Variants in SLC29A1 observed in about 807,000 individuals in gnomAD.
SLC29A1 encodes solute carrier family 29 member 1 (Augustine blood group), also known as equilibrative nucleoside transporter 1.
SLC29A1 carries 22 observed loss-of-function variants against 48.3 expected under a neutral mutation model. That is an observed-to-expected ratio of 0.46 (90% CI 0.33 to 0.65). SLC29A1 has a LOEUF of 0.65. Ranked by LOEUF, SLC29A1 falls within the 30% of genes least tolerant of loss-of-function variation. The pLI is 0.03. For missense variants in SLC29A1, 491 were observed against 575.3 expected (o/e 0.85, Z 1.50); for synonymous variants, 228 against 231.0 (o/e 0.99, Z 0.12).
intron 1 of SLC29A1, 78 bp from the exon 2 acceptor site, chr6:44,227,185 C>G: frequency 6.8e-7 from 1 of 1,460,016 alleles, no homozygotes; most frequent in Non-Finnish European, 9.4e-7. Flanking sequence ...GTCAGCCCTG[C>G]CCCCTCTCCC....
Position 44,223,995 on chromosome 6 carries a change from C to G in SLC29A1, c.-52+354C>G. On this transcript the variant is annotated intron_variant, in intron 1 of 12. Coordinates refer to ENST00000371755, the MANE Select transcript of SLC29A1 (RefSeq NM_001372327.1). The surrounding 1 kb of genome is among the most constrained non-coding windows in gnomAD (Gnocchi z 5.0). ...GGGGCCGTGCCGCTGACTGCGCTGG[C>G]GGAGGGGTATGGGGATGGGGATGGG... 1 of 957,736 alleles carries G rather than the reference C, an allele frequency of 1.0e-6. No individual in the cohort carries two copies. The highest frequency in any genetic ancestry group is 1.2e-6 in the Non-Finnish European group (1 of 805,244). The allele number at this position is 957,736 out of a possible 1,614,324, so 59.3% of individuals were successfully genotyped here.
chr6:44,228,982 T>G (rs1561880486), intron 2 of SLC29A1, among the ~76,000 whole-genome samples: 2 of 152,172 alleles, frequency 1.3e-5, no homozygotes, highest in Admixed American at 1.3e-4. Context: ...CATAATTACT[T>G]CCAGCCTGCC....
At chr6:44,227,821 A>C (rs1777915552) in intron 2 of SLC29A1, among the ~76,000 whole-genome samples, 1 of 152,206 alleles carries the variant, frequency 6.6e-6, no homozygotes, top group South Asian at 2.1e-4. Context: ...ATTTTGGAAG[A>C]AGAGGCTGTA....
chr6:44,228,481 A>T (rs1247227949), intron 2 of SLC29A1, among the ~76,000 whole-genome samples: 1 of 152,160 alleles, frequency 6.6e-6, no homozygotes, highest in East Asian at 1.9e-4. Flanking sequence ...CCATCCCTGT[A>T]TGAGGCCTGC....
upstream of SLC29A1, among the ~76,000 whole-genome samples, chr6:44,221,027 G>A (rs72860862): frequency 4.5e-3 from 690 of 152,154 alleles, 13 homozygotes; most frequent in East Asian, 0.017. This position sits in a 1 kb window ranked among gnomAD's most constrained non-coding sequence, Gnocchi z 4.2. Flanking sequence ...CCACAGGCTC[G>A]AGCCACCATG....
chr6:44,223,449 C>T, upstream of SLC29A1: 2 of 730,070 alleles, frequency 2.7e-6, no homozygotes, highest in Non-Finnish European at 1.6e-6. This position sits in a 1 kb window ranked among gnomAD's most constrained non-coding sequence, Gnocchi z 5.0. Flanking sequence ...GGGGTGGGAG[C>T]GGCGGAGCGC....
chr6:44,221,018 C>T (rs1776354107), upstream of SLC29A1, among the ~76,000 whole-genome samples: 1 of 152,058 alleles, frequency 6.6e-6, no homozygotes, highest in Non-Finnish European at 1.5e-5. This position sits in a 1 kb window ranked among gnomAD's most constrained non-coding sequence, Gnocchi z 4.2. Flanking sequence ...TACCTGGAAC[C>T]ACAGGCTCGA....
At chr6:44,224,336 T>A (rs1777018774) in intron 1 of SLC29A1, among the ~76,000 whole-genome samples, 1 of 151,430 alleles carries the variant, frequency 6.6e-6, no homozygotes, top group Non-Finnish European at 1.5e-5. Context: ...ACTTTCCTCC[T>A]GCTTGTGTAA....
At position 44,229,852 on chromosome 6, in the gene SLC29A1, G is replaced by A. The variant is rs1778430421; in HGVS notation, c.315-55G>A. ...CCCTCACTGTGTCCTGCACCCCCTTGGCTGAGCCCCAGCTTTGCCCACTTG... is the reference window on the plus strand; with the variant it reads ...CCCTCACTGTGTCCTGCACCCCCTTAGCTGAGCCCCAGCTTTGCCCACTTG... On this transcript the variant is annotated intron_variant, in intron 4 of 12. Coordinates refer to ENST00000371755, the MANE Select transcript of SLC29A1 (RefSeq NM_001372327.1). This position sits in a 1 kb window ranked among gnomAD's most constrained non-coding sequence, Gnocchi z 5.1. 6.2e-7 allele frequency: 1 copy of A among 1,605,998 alleles called. No individual in the cohort carries two copies. Among genetic ancestry groups the A allele is most frequent in the Non-Finnish European group, 8.5e-7 (1 of 1,175,490 alleles).
chr6:44,232,143 A>G lies in SLC29A1; in HGVS notation c.973+37A>G. 1 of 1,510,308 alleles carries G rather than the reference A, an allele frequency of 6.6e-7. No individual in the cohort carries two copies. The highest frequency in any genetic ancestry group is 1.4e-5 in the African/African-American group (1 of 72,962). The allele number at this position is 1,510,308 out of a possible 1,614,324, so 93.6% of individuals were successfully genotyped here. A position where few individuals can be genotyped will look rare whatever the true frequency, so the allele number is the denominator to read the frequency against. The stretch of plus-strand genomic sequence containing the variant: ...ACAGGTTTCCAGGATGGGAACAGAC[A>G]GGATCTTGAGTTGGGCTGGAAGTGG... On this transcript the variant is annotated intron_variant, in intron 10 of 12. Transcript: ENST00000371755. The surrounding 1 kb of genome is among the most constrained non-coding windows in gnomAD (Gnocchi z 4.7).
Position 44,232,162 on chromosome 6 carries a change from G to C in SLC29A1, c.973+56G>C. On this transcript the variant is annotated intron_variant, in intron 10 of 12. Transcript: ENST00000371755. This position sits in a 1 kb window ranked among gnomAD's most constrained non-coding sequence, Gnocchi z 4.7. ...ACAGACAGGATCTTGAGTTGGGCTGGAAGTGGGGAAGGGAGGGAGCCTGGG... is the reference window on the plus strand; with the variant it reads ...ACAGACAGGATCTTGAGTTGGGCTGCAAGTGGGGAAGGGAGGGAGCCTGGG... 1 of 1,421,422 alleles carries C rather than the reference G, an allele frequency of 7.0e-7. No individual in the cohort carries two copies. The highest frequency in any genetic ancestry group is 9.9e-7 in the Non-Finnish European group (1 of 1,005,162). The allele number at this position is 1,421,422 out of a possible 1,614,324, so 88.1% of individuals were successfully genotyped here.
rs938891044 is a variant in SLC29A1, at chr6:44,233,274, T to C, written c.1260-143T>C. 8 of 790,086 alleles carry C rather than the reference T, an allele frequency of 1.0e-5. No individual in the cohort carries two copies. In the South Asian group the frequency reaches 1.3e-4, roughly 13 times the overall value. 48.9% of individuals were successfully genotyped at this position (790,086 alleles called of 1,614,324 possible). A position where few individuals can be genotyped will look rare whatever the true frequency, so the allele number is the denominator to read the frequency against. Reference sequence around the variant, plus strand: ...TTCCCTCAAGGAGGAGAAGCCAGGTTGGGGTTAGGCAGCCAGGATGGGTTG... The same window carrying C: ...TTCCCTCAAGGAGGAGAAGCCAGGTCGGGGTTAGGCAGCCAGGATGGGTTG... On this transcript the variant is annotated intron_variant, in intron 12 of 12. Transcript: ENST00000371755.
intron 9 of SLC29A1, 99 bp from the exon 10 acceptor site, chr6:44,231,899 C>T (rs1331351574): frequency 4.7e-6 from 4 of 847,352 alleles, no homozygotes; most frequent in East Asian, 2.7e-5. Flanking sequence ...GCTGAGATTA[C>T]AGGCGTGAGC....
At chr6:44,224,612 A>C (rs541404286) in intron 1 of SLC29A1, among the ~76,000 whole-genome samples, 1 of 152,264 alleles carries the variant, frequency 6.6e-6, no homozygotes, top group African/African-American at 2.4e-5. Context: ...TCTGAACCTC[A>C]GCTGGCCCCA....
rs1779391325 is a variant in SLC29A1, at chr6:44,233,770, GT to G, written c.*245del. 1.8e-6 allele frequency: 1 copy of G among 545,744 alleles called. No homozygotes were observed. Among genetic ancestry groups the G allele is most frequent in the East Asian group, 3.1e-5 (1 of 32,160 alleles). The allele number at this position is 545,744 out of a possible 1,614,324, so 33.8% of individuals were successfully genotyped here. A position where few individuals can be genotyped will look rare whatever the true frequency, so the allele number is the denominator to read the frequency against. Reference sequence around the variant, plus strand: ...GGGTGTAGCCTCGGCATTTGCTTGAGTTTCTCCACTCTTGGCTCTGACTGAT... The same window carrying G: ...GGGTGTAGCCTCGGCATTTGCTTGAGTTCTCCACTCTTGGCTCTGACTGAT... On this transcript the variant is annotated 3_prime_UTR_variant, in exon 13 of 13. Coordinates refer to ENST00000371755, the MANE Select transcript of SLC29A1 (RefSeq NM_001372327.1).
intron 9 of SLC29A1, 98 bp downstream of exon 9, chr6:44,231,559 G>C: frequency 1.3e-6 from 1 of 792,356 alleles, no homozygotes; most frequent in Non-Finnish European, 2.2e-6. Context: ...TTTCTGACCT[G>C]AGAGTGGTCA....
upstream of SLC29A1, among the ~76,000 whole-genome samples, chr6:44,220,902 C>T (rs2128335343): frequency 6.6e-6 from 1 of 152,186 alleles, no homozygotes; most frequent in South Asian, 2.1e-4. Flanking sequence ...TGTTTTCAGA[C>T]AAGGTCTTGC....
upstream of SLC29A1, chr6:44,223,568 T>A: frequency 8.3e-7 from 1 of 1,205,936 alleles, no homozygotes; most frequent in Non-Finnish European, 1.1e-6. The surrounding 1 kb of genome is among the most constrained non-coding windows in gnomAD (Gnocchi z 5.0). Flanking sequence ...CGGGTTTGAA[T>A]GTGCCCCGGC....
chr6:44,231,169 T>A (rs1778770121), intron 8 of SLC29A1, among the ~76,000 whole-genome samples, 195 bp from the exon 9 acceptor site: 1 of 152,124 alleles, frequency 6.6e-6, no homozygotes, highest in Non-Finnish European at 1.5e-5. Flanking sequence ...GACCTGAGGC[T>A]CCTGGGAGAG....
Sources: allele counts gnomAD v4.1 joint callset (sites outside exome capture counted in the v4.1 genomes callset), GRCh38; gene constraint gnomAD v4.1.1; non-coding constraint Gnocchi (gnomAD v3.1); transcripts MANE v1.5; gene names NCBI Gene and HGNC (gene_info 2026-07-23, HGNC 2026-07-21).